Variants in PDE4D observed in about 807,000 individuals in gnomAD.
The protein encoded by PDE4D is phosphodiesterase 4D.
In PDE4D, 24 loss-of-function variants were observed where a neutral mutation model predicts 87.4. That is an observed-to-expected ratio of 0.27 (90% CI 0.20 to 0.39). PDE4D has a LOEUF of 0.39. PDE4D is among the 10% of genes least tolerant of loss of function. PDE4D has a pLI of 1.00. For synonymous variants in PDE4D, 384 were observed against 383.2 expected, an observed-to-expected ratio of 1.00 and a Z score of -0.02; for missense variants, 714 against 1,041.0, an observed-to-expected ratio of 0.69 and a Z score of 4.32.
At chr5:60,052,367 T>C (rs4391131) in intron 2 of PDE4D, among the ~76,000 whole-genome samples, 44,437 of 152,080 alleles carry the variant, frequency 0.29, 7,280 homozygotes, top group East Asian at 0.74. Context: ...ATCCCTGGGA[T>C]ACAAGGCTGG....
intron 1 of PDE4D, among the ~76,000 whole-genome samples, chr5:59,792,220 G>A (rs1277475182): frequency 6.6e-6 from 1 of 152,162 alleles, no homozygotes; most frequent in Non-Finnish European, 1.5e-5. Flanking sequence ...AGGATGGTAG[G>A]CATTATTCCC....
In PDE4D at chr5:60,511,766, C is replaced by T. The variant is rs947061863; in HGVS notation, n.70+10285G>A. Among the ~76,000 whole-genome samples, 10 of 151,812 alleles carry T rather than the reference C, an allele frequency of 6.6e-5. No homozygotes were observed. In the East Asian group the frequency reaches 1.9e-3, roughly 29 times the overall value. On this transcript the variant is annotated intron_variant and non_coding_transcript_variant, in intron 1 of 2. Transcript: ENST00000506510. ...CTAAAATCCATATTCATAATTGTCA[C>T]ATTATATTGTAGTGCATTTTAGTAC... is the stretch of plus-strand genomic sequence containing the variant.
chr5:59,338,805 A>G (rs749983666), intron 1 of PDE4D, among the ~76,000 whole-genome samples: 6 of 152,208 alleles, frequency 3.9e-5, no homozygotes, highest in Non-Finnish European at 5.9e-5. Context: ...AAATTCCTAC[A>G]AAAATTTCCC....
At position 59,498,293 on chromosome 5, in the gene PDE4D, A is replaced by G. The variant is rs192472751; in HGVS notation, c.456-282325T>C. Among the ~76,000 whole-genome samples, 34 of 151,360 alleles carry G rather than the reference A, an allele frequency of 2.2e-4. No individual in the cohort carries two copies. In the South Asian group the frequency reaches 3.8e-3, roughly 17 times the overall value. On this transcript the variant is annotated intron_variant, in intron 1 of 14. Coordinates refer to ENST00000340635, the MANE Select transcript of PDE4D (RefSeq NM_001104631.2). ...CAATACTACAAAGCAACCAGATAAT[A>G]ACACTATGGCAAGAATAAAACCTCA...
At chr5:59,489,263 C>CAA (rs61144674) in intron 1 of PDE4D, among the ~76,000 whole-genome samples, 3 of 122,288 alleles carry the variant, frequency 2.5e-5, no homozygotes, top group Admixed American at 8.4e-5. Context: ...GACTCCATCT[C>CAA]AAAAAAAAAA....
At chr5:60,108,649 T>C (rs1777318927) in intron 2 of PDE4D, among the ~76,000 whole-genome samples, 1 of 152,050 alleles carries the variant, frequency 6.6e-6, no homozygotes, top group Non-Finnish European at 1.5e-5. Flanking sequence ...ATGGTACTGG[T>C]ACCAAAACAG....
chr5:59,731,226 A>C (rs930963437), intron 1 of PDE4D, among the ~76,000 whole-genome samples: 8 of 152,068 alleles, frequency 5.3e-5, no homozygotes, highest in Non-Finnish European at 1.2e-4. Flanking sequence ...GGTTTATATA[A>C]GCTGAGGATT....
chr5:59,955,740 G>A (rs987740162), intron 3 of PDE4D, among the ~76,000 whole-genome samples: 3 of 152,068 alleles, frequency 2.0e-5, no homozygotes, highest in Admixed American at 6.6e-5. Flanking sequence ...CTTTTATCCC[G>A]GTTACACAGA....
At chr5:59,827,309 C>G (rs1189583818) in intron 1 of PDE4D, among the ~76,000 whole-genome samples, 1 of 151,956 alleles carries the variant, frequency 6.6e-6, no homozygotes, top group Non-Finnish European at 1.5e-5. Flanking sequence ...TTAATGCACT[C>G]AACTAAGTTT....
intron 5 of PDE4D, among the ~76,000 whole-genome samples, chr5:59,054,749 T>C (rs892364121): frequency 2.6e-5 from 4 of 152,190 alleles, no homozygotes; most frequent in Admixed American, 2.0e-4. Flanking sequence ...TTCACTCTGA[T>C]GTTTTCTATT....
At chr5:59,608,418 G>A (rs1828519557) in intron 1 of PDE4D, among the ~76,000 whole-genome samples, 1 of 151,930 alleles carries the variant, frequency 6.6e-6, no homozygotes. Context: ...TAAACACAAG[G>A]GACTTAAAAA....
At chr5:59,885,009 A>G (rs1267761245) in intron 1 of PDE4D, among the ~76,000 whole-genome samples, 5 of 151,530 alleles carry the variant, frequency 3.3e-5, no homozygotes, top group African/African-American at 1.2e-4. Flanking sequence ...AGTGCTCTTT[A>G]TTATAGTATG....
At chr5:59,198,540 T>A (rs567619538) in intron 2 of PDE4D, among the ~76,000 whole-genome samples, 1 of 152,166 alleles carries the variant, frequency 6.6e-6, no homozygotes, top group South Asian at 2.1e-4. Flanking sequence ...CCTTCCCTGG[T>A]TACCAGGAAG....
chr5:59,478,220 T>C (rs1011503519), intron 1 of PDE4D, among the ~76,000 whole-genome samples: 37 of 152,066 alleles, frequency 2.4e-4, no homozygotes, highest in Admixed American at 1.9e-3. Flanking sequence ...CAAAACACTA[T>C]ACTTAGTTGA....
intron 1 of PDE4D, among the ~76,000 whole-genome samples, chr5:60,405,517 G>A (rs1330831134): frequency 6.6e-6 from 1 of 152,188 alleles, no homozygotes; most frequent in Non-Finnish European, 1.5e-5. Context: ...TTCCACATAG[G>A]TGGGCACCGC....
rs115552093 is a variant in PDE4D at position 60,276,082 on chromosome 5, T to G, written c.-89-90395A>C. ...GTATTGTTATAAATTCTATAGACAC[T>G]TGGGGAAAATGTGTATTTTGCTGTT... On this transcript the variant is annotated intron_variant, in intron 1 of 16. Transcript: ENST00000502484. 3.3e-3 allele frequency among the ~76,000 whole-genome samples: 497 copies of G among 152,334 alleles called. 3 individuals are homozygous for G. Among genetic ancestry groups the G allele is most frequent in the African/African-American group, 0.011 (472 of 41,578 alleles).
chr5:59,865,005 A>G (rs1746811001), intron 1 of PDE4D, among the ~76,000 whole-genome samples: 1 of 152,126 alleles, frequency 6.6e-6, no homozygotes, highest in Non-Finnish European at 1.5e-5. Flanking sequence ...ACACCAGGTC[A>G]CCTAAGACTC....
At chr5:59,719,103 G>C (rs900246825) in intron 1 of PDE4D, among the ~76,000 whole-genome samples, 10 of 151,872 alleles carry the variant, frequency 6.6e-5, no homozygotes, top group Non-Finnish European at 1.5e-4. Context: ...GTGAACTTTT[G>C]AGTCAGGCCA....
chr5:58,980,308 C>A (rs1195531616), intron 11 of PDE4D, among the ~76,000 whole-genome samples: 1 of 152,106 alleles, frequency 6.6e-6, no homozygotes, highest in South Asian at 2.1e-4. Context: ...CATCACCTAG[C>A]CAGTAAGTGC....
Sources: allele counts gnomAD v4.1 joint callset (sites outside exome capture counted in the v4.1 genomes callset), GRCh38; gene constraint gnomAD v4.1.1; transcripts MANE v1.5; gene names NCBI Gene and HGNC (gene_info 2026-07-23, HGNC 2026-07-21).